MAGI2: variants seen among roughly 807,000 people sequenced by gnomAD.
MAGI2 encodes membrane-associated guanylate kinase, WW and PDZ domain-containing protein 2.
In MAGI2, 35 loss-of-function variants were observed where a neutral mutation model predicts 133.3. The observed-to-expected ratio is 0.26, with a 90% confidence interval of 0.20 to 0.35. MAGI2 has a LOEUF of 0.35. Ranked by LOEUF, MAGI2 falls within the 10% of genes least tolerant of loss-of-function variation. The pLI is 1.00. For synonymous variants in MAGI2, 729 were observed against 710.6 expected, an observed-to-expected ratio of 1.03 and a Z score of -0.41; for missense variants, 1,636 against 1,863.4, an observed-to-expected ratio of 0.88 and a Z score of 2.25.
chr7:79,030,359 A>G (rs1026471637), intron 1 of MAGI2: 1 of 152,180 alleles, frequency 6.6e-6, no homozygotes, highest in African/African-American at 2.4e-5. Context: ...CAAACAAACA[A>G]TTTTGCCAAG....
intron 2 of MAGI2, among the ~76,000 whole-genome samples, chr7:78,668,882 G>A (rs1404022751): frequency 6.6e-6 from 1 of 151,638 alleles, no homozygotes; most frequent in Non-Finnish European, 1.5e-5. Flanking sequence ...TGAGAACAAA[G>A]ACACAACATA....
intron 1 of MAGI2, among the ~76,000 whole-genome samples, chr7:79,018,636 C>T (rs1349141559): frequency 1.3e-5 from 2 of 152,174 alleles, no homozygotes; most frequent in African/African-American, 2.4e-5. Flanking sequence ...TAACAATGTG[C>T]TGTCATCAAA....
At chr7:78,091,248 G>C (rs920403953) in intron 20 of MAGI2, among the ~76,000 whole-genome samples, 3 of 152,168 alleles carry the variant, frequency 2.0e-5, no homozygotes, top group African/African-American at 7.2e-5. Flanking sequence ...ACAGTGTAGG[G>C]AGGCAGAGTC....
At position 78,534,948 on chromosome 7, in the gene MAGI2, G is replaced by C. The variant is rs187382915; in HGVS notation, c.539-13303C>G. Among the ~76,000 whole-genome samples the C allele has an allele frequency of 9.5e-3, 1,443 of 152,118 alleles. 30 individuals carry two copies. Among genetic ancestry groups the C allele is most frequent in the African/African-American group, 0.032 (1,347 of 41,512 alleles). ...AGGAGTTCAAGACCAGCCTGGCCAAGATGGTGAAACCCCGTCTCTACTAAA... is the reference window on the plus strand; with the variant it reads ...AGGAGTTCAAGACCAGCCTGGCCAACATGGTGAAACCCCGTCTCTACTAAA... On this transcript the variant is annotated intron_variant, in intron 3 of 21. Coordinates refer to ENST00000354212, the MANE Select transcript of MAGI2 (RefSeq NM_012301.4).
intron 1 of MAGI2, among the ~76,000 whole-genome samples, chr7:79,068,122 A>T (rs1409067310): frequency 6.6e-6 from 1 of 152,098 alleles, no homozygotes; most frequent in East Asian, 1.9e-4. Context: ...GGCCTCATAA[A>T]ATGAGTTGGG....
chr7:78,486,871 A>G (rs1793072638), intron 6 of MAGI2: 1 of 506,486 alleles, frequency 2.0e-6, no homozygotes, highest in Non-Finnish European at 4.0e-6. Context: ...AGGTGGCACA[A>G]TTGCCTGACA....
chr7:79,208,379 A>T (rs1017886619), intron 1 of MAGI2, among the ~76,000 whole-genome samples: 1 of 151,958 alleles, frequency 6.6e-6, no homozygotes, highest in African/African-American at 2.4e-5. Flanking sequence ...GAACACCAAG[A>T]ACATGAATGG....
At chr7:78,403,717 T>C (rs1180324961) in intron 6 of MAGI2, among the ~76,000 whole-genome samples, 2 of 152,292 alleles carry the variant, frequency 1.3e-5, no homozygotes, top group South Asian at 2.1e-4. Context: ...TGGTATCTCA[T>C]TGTGGTTTTG....
At chr7:78,974,619 C>T (rs1338400757) in intron 2 of MAGI2, among the ~76,000 whole-genome samples, 4 of 151,738 alleles carry the variant, frequency 2.6e-5, no homozygotes, top group African/African-American at 9.7e-5. Context: ...ATTTTTAGCA[C>T]ATTGGAAAAT....
At chr7:78,311,406 C>T (rs1798691134) in intron 9 of MAGI2, among the ~76,000 whole-genome samples, 1 of 152,196 alleles carries the variant, frequency 6.6e-6, no homozygotes, top group Non-Finnish European at 1.5e-5. Context: ...CTCGAAGTCT[C>T]TGCATTTGGC....
At chr7:78,735,811 A>C (rs377150971) in intron 2 of MAGI2, among the ~76,000 whole-genome samples, 29 of 152,322 alleles carry the variant, frequency 1.9e-4, no homozygotes, top group African/African-American at 7.0e-4. Flanking sequence ...ATGTGCACCA[A>C]TCTAATAGAT....
At chr7:78,639,209 T>C (rs183714512) in intron 2 of MAGI2, among the ~76,000 whole-genome samples, 2 of 152,310 alleles carry the variant, frequency 1.3e-5, no homozygotes, top group African/African-American at 4.8e-5. Context: ...CCAAGGTAGA[T>C]AGTAGAATAC....
Position 78,019,778 on chromosome 7 carries a change from G to A in MAGI2, c.3905C>T (p.Ala1302Val), listed in dbSNP as rs754318631. Residue 1302 changes from alanine (A) to valine (V), a missense_variant, in exon 22 of 22, where the codon GCC (alanine) becomes GTC (valine). By Grantham distance (64) the Ala-to-Val change is moderately conservative. Coordinates refer to ENST00000354212, the MANE Select transcript of MAGI2 (RefSeq NM_012301.4). ...GAGGCGCTGCTTCTTCTGGCCGCAGGCTGAAAGCTCCTTTGGTTTCCTAAC... is the reference window on the plus strand; with the variant it reads ...GAGGCGCTGCTTCTTCTGGCCGCAGACTGAAAGCTCCTTTGGTTTCCTAAC... Reference protein sequence around the residue: ...HDVRKPKELSACGQKKQRLGE... With the variant: ...HDVRKPKELSVCGQKKQRLGE... 3 of 1,612,840 alleles carry A rather than the reference G, an allele frequency of 1.9e-6. No individual in the cohort carries two copies. The African/African-American group carries it at 4.0e-5, about 22-fold the overall frequency.
intron 2 of MAGI2, among the ~76,000 whole-genome samples, chr7:78,889,154 T>C (rs1239931877): frequency 1.3e-5 from 2 of 151,852 alleles, no homozygotes; most frequent in Admixed American, 6.6e-5. Context: ...ATTAATAAAA[T>C]GAAGCGAGAA....
At chr7:79,082,184 T>C (rs1171993169) in intron 1 of MAGI2, among the ~76,000 whole-genome samples, 1 of 152,094 alleles carries the variant, frequency 6.6e-6, no homozygotes, top group Non-Finnish European at 1.5e-5. Flanking sequence ...CTTTACCTTC[T>C]TGATAATGTT....
chr7:79,366,963 CTTATAGAAATTACTGACCCAGGT>C (rs892317122), intron 1 of MAGI2, among the ~76,000 whole-genome samples: 3 of 152,076 alleles, frequency 2.0e-5, no homozygotes, highest in Admixed American at 6.5e-5. Flanking sequence ...TTCTTAGCAA[CTTATAGAAATTACTGACCCAGGT>C]TTAACAGAAA....
At chr7:79,211,829 G>A (rs750191780) in intron 1 of MAGI2, among the ~76,000 whole-genome samples, 4 of 151,938 alleles carry the variant, frequency 2.6e-5, no homozygotes, top group South Asian at 2.1e-4. Context: ...AGGGTAAAAC[G>A]GCTTAGAAGT....
At chr7:79,168,010 G>A (rs1825115856) in intron 1 of MAGI2, among the ~76,000 whole-genome samples, 1 of 152,152 alleles carries the variant, frequency 6.6e-6, no homozygotes, top group Admixed American at 6.6e-5. Context: ...TGTTCCTGCT[G>A]CAGATAACTA....
chr7:78,687,179 C>G (rs368255018), intron 2 of MAGI2, among the ~76,000 whole-genome samples: 37 of 152,160 alleles, frequency 2.4e-4, no homozygotes, highest in African/African-American at 8.4e-4. Context: ...CTTCTCACTC[C>G]TAAGCAGAGA....
Sources: allele counts gnomAD v4.1 joint callset (sites outside exome capture counted in the v4.1 genomes callset), GRCh38; gene constraint gnomAD v4.1.1; transcripts MANE v1.5; gene names NCBI Gene and HGNC (gene_info 2026-07-23, HGNC 2026-07-21).